The following CCDC180 variants were observed in gnomAD, a reference collection of about 807,000 sequenced individuals.
CCDC180 encodes the protein coiled-coil domain-containing protein 180.
In CCDC180, 154 loss-of-function variants were observed where a neutral mutation model predicts 209.2. That is an observed-to-expected ratio of 0.74 (90% CI 0.65 to 0.84). The LOEUF is 0.84. CCDC180 is among the 40% of genes least tolerant of loss of function. The pLI, the probability that CCDC180 is intolerant of heterozygous loss-of-function variation, is 0.00. For synonymous variants in CCDC180, 778 were observed against 749.1 expected, an observed-to-expected ratio of 1.04 and a Z score of -0.63; for missense variants, 1,874 against 1,997.3, an observed-to-expected ratio of 0.94 and a Z score of 1.18.
rs748673740 is a variant in CCDC180, at chr9:97,314,703, C to T, written c.674C>T (p.Ser225Leu). The change falls in exon 7 of 37, where the codon TCG (serine) becomes TTG (leucine). Residue 225 changes from serine (S) to leucine (L), a missense_variant. Physicochemically the swap from Ser to Leu is moderately radical, Grantham distance 145. Coordinates refer to ENST00000529487, the MANE Select transcript of CCDC180 (RefSeq NM_020893.6). ...AAGGAGCTGGATGAGGCCCTGCACT[C>T]GCTGGAGTTCTCCCGAACCGATAAA... ...EIKELDEALH[S>L]LEFSRTDKLK... is the part of the protein sequence containing the mutation. 5.0e-6 allele frequency: 8 copies of T among 1,613,782 alleles called. No homozygotes were observed. Among genetic ancestry groups the T allele is most frequent in the South Asian group, 4.4e-5 (4 of 91,062 alleles).
chr9:97,328,388 T>G (rs1221503841), intron 16 of CCDC180, among the ~76,000 whole-genome samples: 3 of 152,120 alleles, frequency 2.0e-5, no homozygotes, highest in African/African-American at 7.2e-5. Context: ...AAAGGTTAAT[T>G]TATATGGTGC....
intron 19 of CCDC180, 52 bp downstream of exon 19, chr9:97,343,615 A>G (rs768406843): frequency 2.5e-5 from 33 of 1,328,806 alleles, no homozygotes; most frequent in Admixed American, 4.3e-5. Flanking sequence ...TTTTGTAAAC[A>G]AGGTGAAATA....
In CCDC180 at chr9:97,377,514, T is replaced by G. The variant is rs1301998667; in HGVS notation, c.*620T>G. 6.6e-6 allele frequency: 1 copy of G among 152,312 alleles called. No individual in the cohort carries two copies. Among genetic ancestry groups the G allele is most frequent in the African/African-American group, 2.4e-5 (1 of 41,448 alleles). 9.4% of individuals were successfully genotyped at this position (152,312 alleles called of 1,614,324 possible). On this transcript the variant is annotated 3_prime_UTR_variant, in exon 37 of 37. Transcript: ENST00000529487. ...AATTACATGGCGTGAGCGTACAGCC[T>G]TCATTTGTCGGTAGCTGTGTGTGTC...
At chr9:97,322,051 G>C (rs1216953200) in intron 11 of CCDC180, among the ~76,000 whole-genome samples, 1 of 152,150 alleles carries the variant, frequency 6.6e-6, no homozygotes, top group East Asian at 1.9e-4. Context: ...TGATGTCAGG[G>C]GGCGCAAATG....
Position 97,307,770 on chromosome 9 carries a change from G to A in CCDC180, c.-118G>A. On this transcript the variant is annotated 5_prime_UTR_variant, in exon 1 of 37. Coordinates refer to ENST00000529487, the MANE Select transcript of CCDC180 (RefSeq NM_020893.6). ...GGATTTGCGCCATGCGCGGCGGGGA[G>A]AACCGGCCTCCTGCTCGAGTTCAGA... is the stretch of plus-strand genomic sequence containing the variant. The A allele has an allele frequency of 6.2e-7, 1 of 1,614,220 alleles. No individual in the cohort carries two copies.
chr9:97,345,831 G>A (rs1045078534), intron 19 of CCDC180: 4 of 157,786 alleles, frequency 2.5e-5, no homozygotes, highest in African/African-American at 9.7e-5. Flanking sequence ...CTCTGCACTT[G>A]CCTTTTTAAA....
rs763164355 is a variant in CCDC180 at position 97,307,801 on chromosome 9, T to C, written c.-87T>C. The C allele has an allele frequency of 6.2e-7, 1 of 1,614,194 alleles. No homozygotes were observed. The highest frequency in any genetic ancestry group is 2.2e-5 in the East Asian group (1 of 44,872). ...GCCTCCTGCTCGAGTTCAGAGCTCA[T>C]CTGAGGTTAGTTTCATCGTTTCGTT... On this transcript the variant is annotated 5_prime_UTR_variant, in exon 1 of 37. Transcript: ENST00000529487.
intron 5 of CCDC180, 36 bp from the exon 6 acceptor site, chr9:97,314,357 T>C (rs749526910): frequency 1.2e-6 from 2 of 1,612,898 alleles, no homozygotes; most frequent in Admixed American, 1.7e-5. Flanking sequence ...CCAGGGGTGC[T>C]GATGCCTTGG....
intron 21 of CCDC180, 130 bp downstream of exon 21, chr9:97,349,421 T>A: frequency 1.3e-6 from 1 of 769,454 alleles, no homozygotes; most frequent in Non-Finnish European, 2.0e-6. Context: ...TCTTTTGAGT[T>A]AAACTCTTCA....
Position 97,317,065 on chromosome 9 carries a change from G to T in CCDC180, c.796G>T (p.Val266Phe), listed in dbSNP as rs760900831. The change falls in exon 9 of 37, where the codon GTC (valine) becomes TTC (phenylalanine). Residue 266 changes from valine to phenylalanine, a missense_variant and splice_region_variant. Physicochemically the swap from Val to Phe is conservative, Grantham distance 50. Transcript: ENST00000529487. ...VYRLINEEAM[V>F]MNYALLGNRK... ...GAGCCCTGCCCATCTGTGACCACAG[G>T]TCATGAACTATGCCCTGCTGGGCAA... The T allele has an allele frequency of 3.1e-6, 5 of 1,610,792 alleles. No individual in the cohort carries two copies. Among genetic ancestry groups the T allele is most frequent in the Non-Finnish European group, 4.2e-6 (5 of 1,177,902 alleles).
At chr9:97,362,084 A>T (rs1358232226) in intron 27 of CCDC180, 112 bp from the exon 28 acceptor site, 1 of 1,461,838 alleles carries the variant, frequency 6.8e-7, no homozygotes, top group Non-Finnish European at 9.3e-7. Flanking sequence ...GGGGCTCGTG[A>T]CAGGACTGAC....
chr9:97,330,007 G>C, intron 16 of CCDC180, 147 bp from the exon 17 acceptor site: 1 of 657,650 alleles, frequency 1.5e-6, no homozygotes, highest in Non-Finnish European at 2.6e-6. Context: ...GGCGGAGCTT[G>C]CAGCGAACCA....
At chr9:97,375,074 G>A (rs1827210553) in intron 35 of CCDC180, among the ~76,000 whole-genome samples, 1 of 152,208 alleles carries the variant, frequency 6.6e-6, no homozygotes, top group Non-Finnish European at 1.5e-5. Context: ...AAGAAGCAGA[G>A]CAGTGATTTG....
intron 18 of CCDC180, among the ~76,000 whole-genome samples, chr9:97,336,465 A>C (rs1313765665): frequency 6.6e-6 from 1 of 152,146 alleles, no homozygotes; most frequent in Non-Finnish European, 1.5e-5. Context: ...TGAAGATCAG[A>C]TGGTTGTAGA....
At chr9:97,307,501 T>C (rs1042621721), upstream of CCDC180, 9 of 601,992 alleles carry the variant, frequency 1.5e-5, no homozygotes, top group East Asian at 2.3e-4. Flanking sequence ...CAGAGGCTGG[T>C]TGGGTCTTCT....
chr9:97,370,440 C>T (rs1248998289), intron 32 of CCDC180, among the ~76,000 whole-genome samples: 2 of 152,082 alleles, frequency 1.3e-5, no homozygotes, highest in East Asian at 3.8e-4. Context: ...AGATGCTCAG[C>T]CTTTTCTCTT....
chr9:97,364,045 C>G lies in CCDC180; in HGVS notation c.3903-6C>G. 6.2e-7 allele frequency: 1 copy of G among 1,614,032 alleles called. No individual in the cohort carries two copies. Among genetic ancestry groups the G allele is most frequent in the South Asian group, 1.1e-5 (1 of 91,050 alleles). ...TCCAGACCACCCACCCACCTTTGTC[C>G]CACAGCTTCACACCGCACCCCAAGC... is the stretch of plus-strand genomic sequence containing the variant. On this transcript the variant is annotated splice_region_variant and splice_polypyrimidine_tract_variant and intron_variant, in intron 28 of 36. Transcript: ENST00000529487.
chr9:97,337,718 G>C (rs1236520101), intron 18 of CCDC180, among the ~76,000 whole-genome samples: 1 of 152,142 alleles, frequency 6.6e-6, no homozygotes, highest in Admixed American at 6.5e-5. Context: ...CTATTGATTG[G>C]AATAGTTTCA....
intron 18 of CCDC180, among the ~76,000 whole-genome samples, chr9:97,343,059 G>T (rs2061635): frequency 0.18 from 27,823 of 152,198 alleles, 3,170 homozygotes; most frequent in Middle Eastern, 0.28. Context: ...GAAGACTGGT[G>T]CAGGCATTAC....
Sources: gnomAD v4.1 joint callset for allele counts (sites outside exome capture counted in the v4.1 genomes callset) on GRCh38, gnomAD v4.1.1 for gene constraint, MANE v1.5 for transcripts, NCBI Gene and HGNC (gene_info 2026-07-23, HGNC 2026-07-21) for gene names.